Variants in ARNT2 observed in about 807,000 individuals in gnomAD.
The protein encoded by ARNT2 is ARNT protein 2.
In ARNT2, 36 loss-of-function variants were observed where a neutral mutation model predicts 91.7. The observed-to-expected ratio is 0.39, with a 90% confidence interval of 0.30 to 0.52. ARNT2 has a LOEUF of 0.52. Among genes scored for constraint, ARNT2 ranks in the 20% least tolerant of loss-of-function variants. ARNT2 has a pLI of 0.72. For synonymous variants in ARNT2, 365 were observed against 347.1 expected, an observed-to-expected ratio of 1.05 and a Z score of -0.57; for missense variants, 775 against 939.3, an observed-to-expected ratio of 0.83 and a Z score of 2.29.
intron 8 of ARNT2, among the ~76,000 whole-genome samples, chr15:80,543,478 A>G (rs774174317): frequency 1.6e-4 from 25 of 152,190 alleles, no homozygotes; most frequent in Non-Finnish European, 3.1e-4. Context: ...TATACTTGCT[A>G]TCAAAGATTT....
chr15:80,557,778 C>A (rs907377699), intron 11 of ARNT2, among the ~76,000 whole-genome samples: 3 of 152,150 alleles, frequency 2.0e-5, no homozygotes, highest in African/African-American at 4.8e-5. Context: ...TCCTACCCCC[C>A]TGAACCAGAT....
intron 5 of ARNT2, among the ~76,000 whole-genome samples, chr15:80,489,489 A>G (rs1897022696): frequency 1.3e-5 from 2 of 152,208 alleles, no homozygotes; most frequent in African/African-American, 4.8e-5. Flanking sequence ...GCTATTTACA[A>G]TGCCACTCTT....
At chr15:80,481,540 C>G (rs1262913694) in intron 5 of ARNT2, among the ~76,000 whole-genome samples, 2 of 152,074 alleles carry the variant, frequency 1.3e-5, no homozygotes, top group East Asian at 3.9e-4. Context: ...CAAGACCTTA[C>G]TTCTACAAAA....
intron 15 of ARNT2, among the ~76,000 whole-genome samples, chr15:80,579,012 G>A (rs187144753): frequency 9.8e-5 from 15 of 152,316 alleles, no homozygotes; most frequent in South Asian, 2.1e-4. Flanking sequence ...CTCTGGTCCC[G>A]CCAGTTTTGG....
chr15:80,429,383 C>A (rs1320435700), intron 1 of ARNT2, among the ~76,000 whole-genome samples: 1 of 152,182 alleles, frequency 6.6e-6, no homozygotes, highest in Non-Finnish European at 1.5e-5. Flanking sequence ...CATAAAAACC[C>A]CTAAATGTTG....
intron 11 of ARNT2, among the ~76,000 whole-genome samples, chr15:80,559,813 T>A (rs889649481): frequency 2.6e-5 from 4 of 152,358 alleles, no homozygotes; most frequent in South Asian, 2.1e-4. Context: ...GGGCTGTTTT[T>A]ATGAAGAGCC....
intron 6 of ARNT2, among the ~76,000 whole-genome samples, chr15:80,513,585 A>G (rs1897376962): frequency 6.6e-6 from 1 of 152,120 alleles, no homozygotes; most frequent in African/African-American, 2.4e-5. Flanking sequence ...ATGGAGTTCC[A>G]CTGAAATGAT....
Position 80,592,427 on chromosome 15 carries a change from A to T in ARNT2, c.2055+723A>T, listed in dbSNP as rs551053074. The stretch of plus-strand genomic sequence containing the variant: ...TCAGCCATCCCTCCAGGTCCTTCTA[A>T]CAGGAACCCAGGCACGTCCTGCATG... On this transcript the variant is annotated intron_variant, in intron 18 of 18. Coordinates refer to ENST00000303329, the MANE Select transcript of ARNT2 (RefSeq NM_014862.4). Among the ~76,000 whole-genome samples the T allele has an allele frequency of 2.6e-5, 4 of 152,292 alleles. No homozygotes were observed. The East Asian group carries it at 7.7e-4, about 29-fold the overall frequency.
At chr15:80,552,558 T>C in intron 9 of ARNT2, 82 bp from the exon 10 acceptor site, 1 of 1,505,086 alleles carries the variant, frequency 6.6e-7, no homozygotes. Flanking sequence ...GAAATGCACA[T>C]GGATTATTCT....
rs1022954707 is a variant in ARNT2 at position 80,517,228 on chromosome 15, G to A, written c.877+2823G>A. Among the ~76,000 whole-genome samples the A allele has an allele frequency of 1.2e-3, 185 of 152,104 alleles. 1 individual carries two copies. Among genetic ancestry groups the A allele is most frequent in the African/African-American group, 4.2e-3 (173 of 41,518 alleles). On this transcript the variant is annotated intron_variant, in intron 8 of 18. Coordinates refer to ENST00000303329, the MANE Select transcript of ARNT2 (RefSeq NM_014862.4). ...TGAAATTATGAGATATGGAAATATA[G>A]GTTGGCAGCTACTTTGTTTCAGTGC...
At chr15:80,502,708 G>A (rs1897218009) in intron 5 of ARNT2, among the ~76,000 whole-genome samples, 1 of 152,156 alleles carries the variant, frequency 6.6e-6, no homozygotes, top group African/African-American at 2.4e-5. Context: ...GCAGGGAGTT[G>A]AGTTGAGTTC....
chr15:80,587,437 T>C (rs1380939126), intron 17 of ARNT2, among the ~76,000 whole-genome samples: 1 of 152,112 alleles, frequency 6.6e-6, no homozygotes, highest in Non-Finnish European at 1.5e-5. Context: ...AATCACCCGA[T>C]TGGGAACCAC....
intron 5 of ARNT2, among the ~76,000 whole-genome samples, chr15:80,501,409 G>A (rs748092955): frequency 9.2e-5 from 14 of 152,152 alleles, no homozygotes; most frequent in Non-Finnish European, 1.2e-4. Context: ...GACCAGAAAC[G>A]CACCTAAATG....
chr15:80,548,250 T>C (rs1385441074), intron 8 of ARNT2, among the ~76,000 whole-genome samples: 1 of 152,140 alleles, frequency 6.6e-6, no homozygotes, highest in Non-Finnish European at 1.5e-5. Context: ...TTTGCAAAAA[T>C]GCTAAACAAT....
intron 5 of ARNT2, among the ~76,000 whole-genome samples, chr15:80,490,023 G>A (rs1044459538): frequency 5.3e-5 from 8 of 152,050 alleles, no homozygotes; most frequent in Admixed American, 1.3e-4. Context: ...TCCCCCAACC[G>A]TAGGCAGCTT....
At chr15:80,503,684 G>A (rs556861537) in intron 5 of ARNT2, among the ~76,000 whole-genome samples, 192 of 152,324 alleles carry the variant, frequency 1.3e-3, no homozygotes, top group African/African-American at 3.4e-3. Flanking sequence ...CTGTGAAGGA[G>A]ACAGACAGGT....
At chr15:80,415,312 A>G (rs1416462500) in intron 1 of ARNT2, among the ~76,000 whole-genome samples, 1 of 152,218 alleles carries the variant, frequency 6.6e-6, no homozygotes, top group Non-Finnish European at 1.5e-5. Context: ...TTATCCACCT[A>G]ATTAAACAAA....
At chr15:80,582,006 T>A (rs1596024879) in intron 17 of ARNT2, among the ~76,000 whole-genome samples, 1 of 152,174 alleles carries the variant, frequency 6.6e-6, no homozygotes, top group Admixed American at 6.5e-5. Flanking sequence ...CCCGTGGTCC[T>A]GGTAAGAAGT....
intron 15 of ARNT2, among the ~76,000 whole-genome samples, chr15:80,577,836 G>A (rs1335576533): frequency 3.3e-5 from 5 of 152,220 alleles, no homozygotes; most frequent in Non-Finnish European, 2.9e-5. Context: ...CATTGCAGGG[G>A]CTCTGGCCAC....
Sources: allele counts gnomAD v4.1 joint callset (sites outside exome capture counted in the v4.1 genomes callset), GRCh38; gene constraint gnomAD v4.1.1; transcripts MANE v1.5; gene names NCBI Gene and HGNC (gene_info 2026-07-23, HGNC 2026-07-21).